Variants in PCDHA4 observed in about 807,000 individuals in gnomAD.
PCDHA4 encodes the protein protocadherin alpha-4.
PCDHA4 carries 49 observed loss-of-function variants against 61.4 expected under a neutral mutation model. That is an observed-to-expected ratio of 0.80 (90% confidence interval 0.63 to 1.01). The LOEUF (loss-of-function observed/expected upper bound fraction) is 1.01, where lower values mean the gene tolerates loss of function less well. Ranked by LOEUF, PCDHA4 falls within the 50% of genes least tolerant of loss-of-function variation. PCDHA4 has a pLI of 0.00. For synonymous variants in PCDHA4, 590 were observed against 550.3 expected, an observed-to-expected ratio of 1.07 and a Z score of -1.01; for missense variants, 1,254 against 1,235.8, an observed-to-expected ratio of 1.01 and a Z score of -0.22.
intron 1 of PCDHA4, chr5:140,871,620 T>C: frequency 7.1e-7 from 1 of 1,405,980 alleles, no homozygotes; most frequent in Non-Finnish European, 9.4e-7. Context: ...TTGTTTTAGA[T>C]AACAATGTCT....
At chr5:140,943,136 T>A (rs1554215378) in intron 1 of PCDHA4, among the ~76,000 whole-genome samples, 1 of 151,240 alleles carries the variant, frequency 6.6e-6, no homozygotes, top group Non-Finnish European at 1.5e-5. Flanking sequence ...TGGGTGCCTG[T>A]AGTCCCAGCT....
At chr5:140,869,721 G>A (rs1554163371) in intron 1 of PCDHA4, 2 of 1,613,340 alleles carry the variant, frequency 1.2e-6, no homozygotes, top group Non-Finnish European at 1.7e-6. Flanking sequence ...AGAAAACTCC[G>A]GAACTTAATT....
intron 1 of PCDHA4, chr5:140,857,647 G>T: frequency 6.3e-7 from 1 of 1,596,858 alleles, no homozygotes; most frequent in Non-Finnish European, 8.6e-7. Flanking sequence ...TACAGTTCCA[G>T]GTGAGCGCGC....
chr5:140,880,821 G>A (rs1054552020), intron 1 of PCDHA4, among the ~76,000 whole-genome samples: 4 of 152,206 alleles, frequency 2.6e-5, no homozygotes, highest in African/African-American at 7.2e-5. Flanking sequence ...AGAGTGTCTG[G>A]AAGGGCATAT....
chr5:140,842,759 C>A (rs2150343672), intron 1 of PCDHA4: 1 of 1,594,806 alleles, frequency 6.3e-7, no homozygotes, highest in East Asian at 2.2e-5. Flanking sequence ...GGTGTCTGCG[C>A]GAGACGCGGA....
chr5:140,948,349 T>C (rs1262551459), intron 1 of PCDHA4, among the ~76,000 whole-genome samples: 2 of 151,624 alleles, frequency 1.3e-5, no homozygotes, highest in African/African-American at 4.8e-5. Context: ...ATTTCTAACC[T>C]AATAAAATGA....
At chr5:140,838,344 G>A (rs1185722843) in intron 1 of PCDHA4, among the ~76,000 whole-genome samples, 1 of 148,412 alleles carries the variant, frequency 6.7e-6, no homozygotes, top group African/African-American at 2.5e-5. Context: ...GGCTGGTCTC[G>A]AAATCTGGGA....
intron 1 of PCDHA4, among the ~76,000 whole-genome samples, chr5:140,937,626 A>G (rs2091639486): frequency 6.6e-6 from 1 of 150,782 alleles, no homozygotes; most frequent in Non-Finnish European, 1.5e-5. Context: ...AAAAAGAAAA[A>G]GAAAGGCAGG....
chr5:140,870,766 C>T, intron 1 of PCDHA4: 1 of 1,613,562 alleles, frequency 6.2e-7, no homozygotes, highest in Non-Finnish European at 8.5e-7. Context: ...GGTGTTCGTG[C>T]TGGACGAGAA....
At chr5:140,934,695 T>G (rs155824) in intron 1 of PCDHA4, among the ~76,000 whole-genome samples, 48,210 of 151,950 alleles carry the variant, frequency 0.32, 7,985 homozygotes, top group East Asian at 0.53. Flanking sequence ...ATGAATTGAT[T>G]CCTGGCCATC....
intron 1 of PCDHA4, chr5:140,857,764 G>C (rs552891884): frequency 2.5e-6 from 4 of 1,597,520 alleles, no homozygotes; most frequent in Non-Finnish European, 3.4e-6. Context: ...CTGGCAGCGC[G>C]GGCGGTGCAG....
At chr5:140,853,227 T>C in intron 1 of PCDHA4, 1 of 983,234 alleles carries the variant, frequency 1.0e-6, no homozygotes, top group Non-Finnish European at 1.2e-6. Context: ...GATTGGTAAT[T>C]TAGTCCTTCA....
intron 1 of PCDHA4, chr5:140,863,570 G>A (rs912173891): frequency 1.9e-5 from 7 of 370,768 alleles, no homozygotes; most frequent in South Asian, 4.2e-5. Flanking sequence ...GAGAATATAA[G>A]TACTGTAATC....
rs142493803 is a variant in PCDHA4 at position 140,808,961 on chromosome 5, G to A, written c.1774G>A (p.Ala592Thr). ...PWSVGVGHVV[A>T]KVRAVDADSG... ...GTCGGTGGGTGTGGGCCACGTGGTG[G>A]CAAAGGTGCGCGCGGTGGATGCTGA... is the stretch of plus-strand genomic sequence containing the variant. Residue 592 changes from alanine to threonine, a missense_variant, in exon 1 of 4, where the codon GCA becomes ACA. Physicochemically the swap from Ala to Thr is moderately conservative, Grantham distance 58. Transcript: ENST00000530339. The A allele has an allele frequency of 6.2e-7, 1 of 1,613,440 alleles. No individual in the cohort carries two copies. Among genetic ancestry groups the A allele is most frequent in the African/African-American group, 1.3e-5 (1 of 74,922 alleles).
chr5:140,990,649 T>A (rs1465284882), intron 3 of PCDHA4, among the ~76,000 whole-genome samples: 1 of 152,330 alleles, frequency 6.6e-6, no homozygotes, highest in South Asian at 2.1e-4. Context: ...TCAGCCAGTA[T>A]GAATGATTTA....
chr5:140,823,814 G>A (rs782047530), intron 1 of PCDHA4: 1 of 1,613,762 alleles, frequency 6.2e-7, no homozygotes, highest in Middle Eastern at 1.7e-4. Flanking sequence ...GCCTCATCGC[G>A]GGCGTCGGCG....
rs565071573 is a variant in PCDHA4, at chr5:141,009,664, G to C, written c.2571G>C (p.Ala857=). 1.7e-4 allele frequency: 273 copies of C among 1,613,982 alleles called. 2 individuals are homozygous for C. In the South Asian group the frequency reaches 2.8e-3, roughly 17 times the overall value. ...GAGAAGTGTCCCCTCCAGTCGGTGC[G>C]GGTGTCAACAGCAACAGCTGGACCT... ...EAGEVSPPVG[A]GVNSNSWTFK... The change falls in exon 4 of 4, where the codon GCG becomes GCC. Residue 857 remains alanine, a synonymous_variant. Transcript: ENST00000530339.
intron 1 of PCDHA4, chr5:140,869,704 G>C: frequency 6.2e-7 from 1 of 1,613,400 alleles, no homozygotes; most frequent in Non-Finnish European, 8.5e-7. Flanking sequence ...GAAGTCTCTG[G>C]ATAGAGAGAA....
chr5:140,826,555 T>C (rs2150080070), intron 1 of PCDHA4, among the ~76,000 whole-genome samples: 1 of 152,270 alleles, frequency 6.6e-6, no homozygotes, highest in East Asian at 1.9e-4. Context: ...TTTTTCTCCT[T>C]TGAAGGAGGG....
Sources: allele counts gnomAD v4.1 joint callset (sites outside exome capture counted in the v4.1 genomes callset), GRCh38; gene constraint gnomAD v4.1.1; transcripts MANE v1.5; gene names NCBI Gene and HGNC (gene_info 2026-07-23, HGNC 2026-07-21).